INPP4B: variants seen among roughly 807,000 people sequenced by gnomAD.
INPP4B encodes inositol polyphosphate-4-phosphatase type II B.
In INPP4B, 55 loss-of-function variants were observed where a neutral mutation model predicts 122.5. The ratio of observed to expected loss-of-function variants is 0.45; its 90% confidence interval spans 0.36 to 0.56. INPP4B has a LOEUF of 0.56. Ranked by LOEUF, INPP4B falls within the 20% of genes least tolerant of loss-of-function variation. The pLI is 0.00. For synonymous variants in INPP4B, 403 were observed against 388.7 expected (o/e 1.04, Z -0.43); for missense variants, 1,000 against 1,097.7 (o/e 0.91, Z 1.26).
In INPP4B at chr4:142,743,843, G is replaced by T. The variant is rs1227561217; in HGVS notation, c.-253-17942C>A. 2.0e-5 allele frequency among the ~76,000 whole-genome samples: 3 copies of T among 151,744 alleles called. No homozygotes were observed. The East Asian group carries it at 5.8e-4, about 29-fold the overall frequency. ...TGCCCTAACAAAATGTATACCCTGGGATACATGAGTTCAAGGTGATCATCT... is the reference window on the plus strand; with the variant it reads ...TGCCCTAACAAAATGTATACCCTGGTATACATGAGTTCAAGGTGATCATCT... On this transcript the variant is annotated intron_variant, in intron 1 of 25. Transcript: ENST00000262992.
intron 12 of INPP4B, among the ~76,000 whole-genome samples, chr4:142,221,389 C>CAA (rs570703001): frequency 0.024 from 689 of 28,542 alleles, 68 homozygotes; most frequent in African/African-American, 0.093. Flanking sequence ...GACTCCTTCT[C>CAA]AAAAAAAAAA....
chr4:142,835,819 A>C (rs905565655), intron 1 of INPP4B, among the ~76,000 whole-genome samples: 2 of 152,174 alleles, frequency 1.3e-5, no homozygotes, highest in African/African-American at 4.8e-5. Context: ...AAATAAAATA[A>C]TTTAAGAGCA....
At chr4:142,040,344 G>A (rs1746602934) in intron 25 of INPP4B, among the ~76,000 whole-genome samples, 1 of 152,172 alleles carries the variant, frequency 6.6e-6, no homozygotes, top group African/African-American at 2.4e-5. Context: ...CTTGGATAAA[G>A]TGAAATGAAA....
intron 1 of INPP4B, among the ~76,000 whole-genome samples, chr4:142,825,076 G>A (rs1196967004): frequency 6.6e-6 from 1 of 152,082 alleles, no homozygotes; most frequent in African/African-American, 2.4e-5. Context: ...TAAAGTACAT[G>A]TCAGACTTTT....
At chr4:142,666,392 G>A (rs1160045712) in intron 2 of INPP4B, among the ~76,000 whole-genome samples, 3 of 151,868 alleles carry the variant, frequency 2.0e-5, no homozygotes, top group Non-Finnish European at 4.4e-5. Context: ...GAGTTTAGAG[G>A]TAAATAAAAA....
intron 7 of INPP4B, among the ~76,000 whole-genome samples, chr4:142,343,966 A>G (rs565081314): frequency 8.5e-4 from 129 of 152,202 alleles, no homozygotes; most frequent in African/African-American, 3.0e-3. Flanking sequence ...TAAATAGCTC[A>G]CTAAGTATCA....
chr4:142,263,004 T>C (rs1270965160), intron 10 of INPP4B, among the ~76,000 whole-genome samples: 1 of 152,218 alleles, frequency 6.6e-6, no homozygotes, highest in Non-Finnish European at 1.5e-5. Flanking sequence ...TTCTTTCCTT[T>C]TGTAGAAATC....
intron 2 of INPP4B, among the ~76,000 whole-genome samples, chr4:142,663,515 A>G (rs968216356): frequency 6.6e-6 from 1 of 152,100 alleles, no homozygotes; most frequent in Non-Finnish European, 1.5e-5. Context: ...AGAACTGTCT[A>G]AGTTGACATT....
intron 25 of INPP4B, among the ~76,000 whole-genome samples, chr4:142,037,363 C>T (rs1272756180): frequency 6.6e-6 from 1 of 152,074 alleles, no homozygotes; most frequent in Admixed American, 6.6e-5. Flanking sequence ...TATCCTAGAT[C>T]ACAAGTCACA....
intron 1 of INPP4B, among the ~76,000 whole-genome samples, chr4:142,844,031 T>C (rs2151220749): frequency 6.6e-6 from 1 of 152,306 alleles, no homozygotes; most frequent in African/African-American, 2.4e-5. Flanking sequence ...GTTTAACTGA[T>C]GGTCTATGAT....
intron 18 of INPP4B, among the ~76,000 whole-genome samples, chr4:142,144,724 C>T (rs996094871): frequency 6.6e-6 from 1 of 151,980 alleles, no homozygotes; most frequent in Admixed American, 6.6e-5. Context: ...GGACCATCTA[C>T]AACAAGAATA....
At chr4:142,226,071 T>C (rs1267028942) in intron 12 of INPP4B, among the ~76,000 whole-genome samples, 6 of 152,132 alleles carry the variant, frequency 3.9e-5, no homozygotes, top group Admixed American at 1.3e-4. Flanking sequence ...GTACAAAATT[T>C]GAAGAAAATA....
intron 23 of INPP4B, among the ~76,000 whole-genome samples, chr4:142,103,010 G>T (rs1785224239): frequency 6.6e-6 from 1 of 152,082 alleles, no homozygotes; most frequent in African/African-American, 2.4e-5. Context: ...TCCTAAGGGA[G>T]TAGCTTTCAC....
chr4:142,251,952 A>G (rs1025479048), intron 11 of INPP4B, among the ~76,000 whole-genome samples: 1 of 152,184 alleles, frequency 6.6e-6, no homozygotes, highest in South Asian at 2.1e-4. Context: ...TGTGACACCA[A>G]TTTGTTGATT....
intron 2 of INPP4B, among the ~76,000 whole-genome samples, chr4:142,698,492 C>G (rs970860895): frequency 2.0e-5 from 3 of 152,134 alleles, no homozygotes; most frequent in Admixed American, 6.6e-5. Context: ...GATCTTGTCA[C>G]TACCAATATC....
intron 23 of INPP4B, among the ~76,000 whole-genome samples, chr4:142,098,843 T>C (rs923875724): frequency 5.9e-5 from 9 of 152,066 alleles, no homozygotes; most frequent in African/African-American, 2.2e-4. Context: ...GATTGATAGT[T>C]AATAGCAGGT....
intron 2 of INPP4B, among the ~76,000 whole-genome samples, chr4:142,631,743 T>G (rs1016735257): frequency 6.6e-6 from 1 of 152,120 alleles, no homozygotes; most frequent in Non-Finnish European, 1.5e-5. Context: ...AGCTAATCTA[T>G]CTACAGAAAA....
chr4:142,571,162 A>AC lies in INPP4B; in HGVS notation c.-190-108437dup, dbSNP rs1171554953. Among the ~76,000 whole-genome samples, 3 of 149,756 alleles carry AC rather than the reference A, an allele frequency of 2.0e-5. No homozygotes were observed. In the East Asian group the frequency reaches 5.9e-4, roughly 30 times the overall value. ...AGGAAAAGAGGAAGAGGGCCTTGGCACCCCCAGAAAAGCTTCCAATCCACC... is the reference window on the plus strand; with the variant it reads ...AGGAAAAGAGGAAGAGGGCCTTGGCACCCCCCAGAAAAGCTTCCAATCCACC... On this transcript the variant is annotated intron_variant, in intron 2 of 25. Transcript: ENST00000262992.
chr4:142,692,573 G>C, intron 2 of INPP4B, among the ~76,000 whole-genome samples: 1 of 152,138 alleles, frequency 6.6e-6, no homozygotes. Flanking sequence ...AAATTAAAGG[G>C]ACACAAAGTA....
Sources: gnomAD v4.1 joint callset for allele counts (sites outside exome capture counted in the v4.1 genomes callset) on GRCh38, gnomAD v4.1.1 for gene constraint, MANE v1.5 for transcripts, NCBI Gene and HGNC (gene_info 2026-07-23, HGNC 2026-07-21) for gene names.